Variants in TMEM33 observed in about 807,000 individuals in gnomAD.
TMEM33 encodes transmembrane protein 33.
Under a neutral mutation model 29.7 loss-of-function variants are expected in TMEM33, and 16 were observed. The ratio of observed to expected loss-of-function variants is 0.54; its 90% CI spans 0.36 to 0.82. The LOEUF (loss-of-function observed/expected upper bound fraction) is 0.82, where lower values mean the gene tolerates loss of function less well. Among genes scored for constraint, TMEM33 ranks in the 40% least tolerant of loss-of-function variants. The pLI is 0.00. For missense variants in TMEM33, 252 were observed against 295.3 expected, an observed-to-expected ratio of 0.85 and a Z score of 1.08; for synonymous variants, 112 against 109.4, an observed-to-expected ratio of 1.02 and a Z score of -0.15.
chr4:41,937,597 A>G (rs1413121438), intron 1 of TMEM33, among the ~76,000 whole-genome samples: 1 of 152,188 alleles, frequency 6.6e-6, no homozygotes, highest in Non-Finnish European at 1.5e-5. Context: ...TGTAAACACC[A>G]GCTATTTTTA....
At chr4:41,937,851 GA>G (rs1208634908) in intron 1 of TMEM33, among the ~76,000 whole-genome samples, 3 of 151,904 alleles carry the variant, frequency 2.0e-5, no homozygotes, top group East Asian at 1.9e-4. Context: ...GATAGAATGG[GA>G]AAAAAATGGG....
At position 41,954,146 on chromosome 4, in the gene TMEM33, CTT is replaced by C. The variant is rs1176924595; in HGVS notation, c.693_694del (p.Cys232SerfsTer18). The C allele has an allele frequency of 1.2e-6, 2 of 1,613,916 alleles. No homozygotes were observed. Among genetic ancestry groups the C allele is most frequent in the East Asian group, 2.2e-5 (1 of 44,860 alleles). ...KPACPLFVRR[L>X]CLQSIAFISR... is the part of the protein sequence containing the mutation. ...TGCTTGCCCACTGTTTGTGAGAAGA[CTT>C]TGTCTCCAGAGCATTGCCTTTATAA... On this transcript the variant is annotated frameshift_variant, in exon 7 of 7. Transcript: ENST00000504986. LOFTEE classifies it high-confidence loss of function.
At position 41,958,254 on chromosome 4, in the gene TMEM33, C is replaced by T. The variant is rs891506397; in HGVS notation, c.*4055C>T. 1 of 152,276 alleles carries T rather than the reference C, an allele frequency of 6.6e-6. No homozygotes were observed. Among genetic ancestry groups the T allele is most frequent in the African/African-American group, 2.4e-5 (1 of 41,430 alleles). The allele number at this position is 152,276 out of a possible 1,614,324, so 9.4% of individuals were successfully genotyped here. ...TTGAACTCCTGACCTCGTGATCCCC[C>T]CACCTCGGCCTTCCAAAGTGCTGGA... is the stretch of plus-strand genomic sequence containing the variant. On this transcript the variant is annotated 3_prime_UTR_variant, in exon 7 of 7. Coordinates refer to ENST00000504986, the MANE Select transcript of TMEM33 (RefSeq NM_018126.3).
intron 5 of TMEM33, among the ~76,000 whole-genome samples, chr4:41,946,075 C>A (rs1047237027): frequency 7.2e-6 from 1 of 139,626 alleles, no homozygotes; most frequent in East Asian, 2.1e-4. Flanking sequence ...ATATCCAGTT[C>A]TGTTTTTTTT....
upstream of TMEM33, chr4:41,935,348 C>A (rs926068024): frequency 5.3e-6 from 5 of 944,636 alleles, no homozygotes; most frequent in African/African-American, 6.5e-5. Context: ...CTCAGAGTTC[C>A]GGCAGGGTGC....
At chr4:41,950,911 G>A (rs1713010323) in intron 6 of TMEM33, among the ~76,000 whole-genome samples, 1 of 152,130 alleles carries the variant, frequency 6.6e-6, no homozygotes, top group South Asian at 2.1e-4. Flanking sequence ...AAGGATAGCA[G>A]TGAATCAAGA....
At chr4:41,935,348 C>G (rs926068024), upstream of TMEM33, 11 of 944,640 alleles carry the variant, frequency 1.2e-5, no homozygotes, top group Non-Finnish European at 1.7e-5. Context: ...CTCAGAGTTC[C>G]GGCAGGGTGC....
At chr4:41,940,931 C>T (rs965342787) in intron 3 of TMEM33, among the ~76,000 whole-genome samples, 10 of 151,642 alleles carry the variant, frequency 6.6e-5, no homozygotes, top group Non-Finnish European at 1.0e-4. Flanking sequence ...ACTTCCCACA[C>T]ATTGGCTAGT....
intron 4 of TMEM33, 51 bp downstream of exon 4, chr4:41,943,865 G>T: frequency 6.5e-7 from 1 of 1,541,754 alleles, no homozygotes; most frequent in African/African-American, 1.4e-5. Flanking sequence ...TCATTGACAT[G>T]AATTTGAGTT....
intron 6 of TMEM33, 81 bp downstream of exon 6, chr4:41,949,466 C>G: frequency 8.7e-7 from 1 of 1,150,900 alleles, no homozygotes. Context: ...TTAAGAGTTA[C>G]TTAGCTAATG....
chr4:41,949,130 A>T (rs958616706), intron 5 of TMEM33, among the ~76,000 whole-genome samples, 172 bp from the exon 6 acceptor site: 3 of 152,136 alleles, frequency 2.0e-5, no homozygotes, highest in African/African-American at 7.2e-5. Context: ...AATCATGTAC[A>T]TTCTTTTATA....
In TMEM33 at chr4:41,938,586, T is replaced by G. The variant is rs777075136; in HGVS notation, c.46-16T>G. 6.2e-7 allele frequency: 1 copy of G among 1,611,454 alleles called. No individual in the cohort carries two copies. Among genetic ancestry groups the G allele is most frequent in the Non-Finnish European group, 8.5e-7 (1 of 1,178,380 alleles). Reference sequence around the variant, plus strand: ...TTTGCAGGCATAGCTTACAGTATTTTTCTTTTTAAATTTAGCAATTCATGA... The same window carrying G: ...TTTGCAGGCATAGCTTACAGTATTTGTCTTTTTAAATTTAGCAATTCATGA... On this transcript the variant is annotated splice_polypyrimidine_tract_variant and intron_variant, in intron 1 of 6. Coordinates refer to ENST00000504986, the MANE Select transcript of TMEM33 (RefSeq NM_018126.3).
At chr4:41,935,366 C>T, upstream of TMEM33, 1 of 1,113,202 alleles carries the variant, frequency 9.0e-7, no homozygotes, top group South Asian at 1.3e-5. Context: ...TGCATCCGGC[C>T]TGTGTGTGGC....
rs1713366745 is a variant in TMEM33 at position 41,958,726 on chromosome 4, T to TG, written c.*4528dup. ...TTTTTTTTTTTTTTTTTTTTTTTTTTGAGACAGATTCTCACTCAGTTGCCC... is the reference window on the plus strand; with the variant it reads ...TTTTTTTTTTTTTTTTTTTTTTTTTTGGAGACAGATTCTCACTCAGTTGCCC... On this transcript the variant is annotated 3_prime_UTR_variant, in exon 7 of 7. Transcript: ENST00000504986. The TG allele has an allele frequency of 7.0e-6, 1 of 142,530 alleles. No individual in the cohort carries two copies. The highest frequency in any genetic ancestry group is 2.2e-4 in the South Asian group (1 of 4,516). The allele number at this position is 142,530 out of a possible 1,614,324, so 8.8% of individuals were successfully genotyped here.
chr4:41,947,946 A>G (rs1712866235), intron 5 of TMEM33, among the ~76,000 whole-genome samples: 1 of 152,200 alleles, frequency 6.6e-6, no homozygotes, highest in South Asian at 2.1e-4. Context: ...CCAAATATTC[A>G]TTAGTACGGA....
intron 5 of TMEM33, 109 bp downstream of exon 5, chr4:41,945,035 G>A: frequency 7.3e-7 from 1 of 1,369,858 alleles, no homozygotes; most frequent in Non-Finnish European, 9.8e-7. Flanking sequence ...TTGACATGTA[G>A]AGCTAAATGA....
intron 5 of TMEM33, among the ~76,000 whole-genome samples, chr4:41,946,751 G>A (rs1022689475): frequency 3.9e-5 from 6 of 152,028 alleles, no homozygotes; most frequent in Non-Finnish European, 5.9e-5. Context: ...ATCATTTATA[G>A]GTTTTTCTTT....
rs200238423 is a variant in TMEM33 at position 41,941,226 on chromosome 4, AT to A, written c.328+1845del. Among the ~76,000 whole-genome samples, 470 of 152,354 alleles carry A rather than the reference AT, an allele frequency of 3.1e-3. 3 individuals carry two copies. The highest frequency in any genetic ancestry group is 0.011 in the African/African-American group (443 of 41,584). On this transcript the variant is annotated intron_variant, in intron 3 of 6. Coordinates refer to ENST00000504986, the MANE Select transcript of TMEM33 (RefSeq NM_018126.3). ...ATTGGTTTATTTTTAGGTAAAACTCATTAAATGATTACTATACTACAACTGT... is the reference window on the plus strand; with the variant it reads ...ATTGGTTTATTTTTAGGTAAAACTCATAAATGATTACTATACTACAACTGT...
rs758357604 is a variant in TMEM33, at chr4:41,959,675, C to G, written c.*5476C>G. On this transcript the variant is annotated 3_prime_UTR_variant, in exon 7 of 7. Coordinates refer to ENST00000504986, the MANE Select transcript of TMEM33 (RefSeq NM_018126.3). ...CTATTTTCTCTTGTAACTGTTAGAACAGTTCCTTTTGACATTAATTTTTGC... is the reference window on the plus strand; with the variant it reads ...CTATTTTCTCTTGTAACTGTTAGAAGAGTTCCTTTTGACATTAATTTTTGC... The G allele has an allele frequency of 1.3e-5, 2 of 152,134 alleles. No homozygotes were observed. The highest frequency in any genetic ancestry group is 2.9e-5 in the Non-Finnish European group (2 of 68,006). The allele number at this position is 152,134 out of a possible 1,614,324, so 9.4% of individuals were successfully genotyped here.
Sources: allele counts gnomAD v4.1 joint callset (sites outside exome capture counted in the v4.1 genomes callset), GRCh38; gene constraint gnomAD v4.1.1; transcripts MANE v1.5; gene names NCBI Gene and HGNC (gene_info 2026-07-23, HGNC 2026-07-21).